The following FOSL2 variants were observed in gnomAD, a reference collection of about 807,000 sequenced individuals.
FOSL2 encodes the protein FOS like 2, AP-1 transcription factor subunit.
A neutral mutation model predicts 27.7 loss-of-function variants in FOSL2; 3 were observed. The ratio of observed to expected loss-of-function variants is 0.11; its 90% CI spans 0.05 to 0.28. FOSL2 has a LOEUF of 0.28. Ranked by LOEUF, FOSL2 falls within the 10% of genes least tolerant of loss-of-function variation. The pLI is 1.00. For missense variants in FOSL2, 333 were observed against 445.1 expected (o/e 0.75, Z 2.27); for synonymous variants, 179 against 190.1 (o/e 0.94, Z 0.48).
At chr2:28,406,832 AGGAGCCTGCCTCC>A (rs1056209513) in intron 2 of FOSL2, among the ~76,000 whole-genome samples, 1 of 152,178 alleles carries the variant, frequency 6.6e-6, no homozygotes, top group African/African-American at 2.4e-5. Context: ...CCTGCTAGGG[AGGAGCCTGCCTCC>A]GGAGCCGGCC....
intron 3 of FOSL2, among the ~76,000 whole-genome samples, chr2:28,409,816 C>T (rs1452862746): frequency 1.3e-5 from 2 of 152,242 alleles, no homozygotes; most frequent in Non-Finnish European, 2.9e-5. Context: ...TCTCAGCTCA[C>T]TGCAACCTCT....
intron 3 of FOSL2, among the ~76,000 whole-genome samples, chr2:28,411,726 C>A (rs1295614823): frequency 6.6e-6 from 1 of 152,142 alleles, no homozygotes; most frequent in Non-Finnish European, 1.5e-5. Context: ...GTCTTACCCC[C>A]TCTCCAAGCT....
chr2:28,395,592 G>C (rs904604135), intron 1 of FOSL2: 1 of 152,242 alleles, frequency 6.6e-6, no homozygotes, highest in Non-Finnish European at 1.5e-5. Flanking sequence ...AGAGAACTCA[G>C]TCCAGCAGAG....
At chr2:28,402,337 C>A (rs1213529169) in intron 1 of FOSL2, among the ~76,000 whole-genome samples, 1 of 152,268 alleles carries the variant, frequency 6.6e-6, no homozygotes, top group Non-Finnish European at 1.5e-5. Context: ...TTGGCCTGGG[C>A]CCCCGAGGTG....
At chr2:28,396,815 C>CACACACACACACACACACAA (rs1553376570) in intron 1 of FOSL2, 63 of 151,626 alleles carry the variant, frequency 4.2e-4, no homozygotes, top group African/African-American at 1.5e-3. Flanking sequence ...CACACACACA[C>CACACACACACACACACACAA]ACACACACAC....
At chr2:28,400,483 C>T (rs2148082079) in intron 1 of FOSL2, among the ~76,000 whole-genome samples, 1 of 152,228 alleles carries the variant, frequency 6.6e-6, no homozygotes, top group African/African-American at 2.4e-5. Flanking sequence ...AGACAAGACC[C>T]ATCTGCCAGA....
At chr2:28,403,753 G>A (rs1470581423) in intron 1 of FOSL2, among the ~76,000 whole-genome samples, 1 of 152,192 alleles carries the variant, frequency 6.6e-6, no homozygotes, top group African/African-American at 2.4e-5. Context: ...TCCTGCAGAT[G>A]TGTATCCTGG....
intron 3 of FOSL2, among the ~76,000 whole-genome samples, chr2:28,410,247 C>T (rs572430916): frequency 1.3e-5 from 2 of 152,320 alleles, no homozygotes; most frequent in South Asian, 4.1e-4. Context: ...CCACAATCCA[C>T]TTCCTCAGCG....
In FOSL2 at chr2:28,404,446, T is replaced by G; in HGVS notation, c.354+88T>G. ...ACGGGTTTCTGCAGACTGGGAGGGT[T>G]AATGTTCTGAGAGCAGGGGAGACAA... On this transcript the variant is annotated intron_variant, in intron 2 of 3. Transcript: ENST00000264716. This position sits in a 1 kb window ranked among gnomAD's most constrained non-coding sequence, Gnocchi z 4.7. 2.6e-4 allele frequency: 379 copies of G among 1,472,236 alleles called. No individual in the cohort carries two copies. Among genetic ancestry groups the G allele is most frequent in the Non-Finnish European group, 3.1e-4 (338 of 1,086,278 alleles). 91.2% of individuals were successfully genotyped at this position (1,472,236 alleles called of 1,614,324 possible). A position where few individuals can be genotyped will look rare whatever the true frequency, so the allele number is the denominator to read the frequency against.
chr2:28,396,805 C>CACACACACACACACACACAA (rs1558564586), intron 1 of FOSL2: 11 of 149,010 alleles, frequency 7.4e-5, no homozygotes, highest in African/African-American at 2.5e-4. Context: ...CACACACACA[C>CACACACACACACACACACAA]ACACACACAC....
At position 28,393,837 on chromosome 2, in the gene FOSL2, C is replaced by G. The variant is rs1174422175; in HGVS notation, c.102+15C>G. On this transcript the variant is annotated intron_variant, in intron 1 of 3. Transcript: ENST00000264716. This position sits in a 1 kb window ranked among gnomAD's most constrained non-coding sequence, Gnocchi z 4.6. ...GCGGCCAGCAGGTAGGTGCGGGCCC[C>G]GGTGCACCTGGCGGCGCGGGCGGAC... 3.2e-6 allele frequency: 5 copies of G among 1,567,304 alleles called. No homozygotes were observed. Among genetic ancestry groups the G allele is most frequent in the Non-Finnish European group, 4.3e-6 (5 of 1,152,712 alleles).
rs1664316758 is a variant in FOSL2, at chr2:28,416,565, G to A, written c.*4117G>A. The A allele has an allele frequency of 6.6e-6, 1 of 151,300 alleles. No homozygotes were observed. The highest frequency in any genetic ancestry group is 2.1e-4 in the South Asian group (1 of 4,802). The allele number at this position is 151,300 out of a possible 1,614,324, so 9.4% of individuals were successfully genotyped here. A position where few individuals can be genotyped will look rare whatever the true frequency, so the allele number is the denominator to read the frequency against. The stretch of plus-strand genomic sequence containing the variant: ...TGTATAAAAGGTTCTGTTTTTAAAG[G>A]TGGATTTTCATTCCTCTGGGGACAG... On this transcript the variant is annotated 3_prime_UTR_variant, in exon 4 of 4. Transcript: ENST00000264716.
At position 28,415,748 on chromosome 2, in the gene FOSL2, T is replaced by TGAGACTAAGGGATGAGGAC. The variant is rs1664300521; in HGVS notation, c.*3301_*3319dup. 1 of 152,188 alleles carries TGAGACTAAGGGATGAGGAC rather than the reference T, an allele frequency of 6.6e-6. No homozygotes were observed. Among genetic ancestry groups the TGAGACTAAGGGATGAGGAC allele is most frequent in the African/African-American group, 2.4e-5 (1 of 41,438 alleles). The allele number at this position is 152,188 out of a possible 1,614,324, so 9.4% of individuals were successfully genotyped here. A position where few individuals can be genotyped will look rare whatever the true frequency, so the allele number is the denominator to read the frequency against. ...GCTTTTATATAGATCCTCGTTAGGA[T>TGAGACTAAGGGATGAGGAC]GAGACTAAGGGATGAGGACATCTCT... On this transcript the variant is annotated 3_prime_UTR_variant, in exon 4 of 4. Transcript: ENST00000264716.
At chr2:28,406,118 C>T (rs1326878864) in intron 2 of FOSL2, among the ~76,000 whole-genome samples, 3 of 150,604 alleles carry the variant, frequency 2.0e-5, no homozygotes, top group Non-Finnish European at 3.0e-5. Flanking sequence ...TGCAGTGGCA[C>T]GATCTCGGCT....
chr2:28,398,733 A>C (rs1467967181), intron 1 of FOSL2, among the ~76,000 whole-genome samples: 1 of 152,218 alleles, frequency 6.6e-6, no homozygotes, highest in Non-Finnish European at 1.5e-5. Flanking sequence ...GCATTTATAA[A>C]CTGTAACGCT....
In FOSL2 at chr2:28,404,025, C is replaced by G. The variant is rs1012498533; in HGVS notation, c.103-82C>G. ...GACTGTGCTCTGTGCTGGTTTTTGCCTCAGCTCTGTTCAATTATTATTAAC... is the reference window on the plus strand; with the variant it reads ...GACTGTGCTCTGTGCTGGTTTTTGCGTCAGCTCTGTTCAATTATTATTAAC... On this transcript the variant is annotated intron_variant, in intron 1 of 3. Coordinates refer to ENST00000264716, the MANE Select transcript of FOSL2 (RefSeq NM_005253.4). The surrounding 1 kb of genome is among the most constrained non-coding windows in gnomAD (Gnocchi z 4.7). 3 of 1,539,838 alleles carry G rather than the reference C, an allele frequency of 1.9e-6. No homozygotes were observed. Among genetic ancestry groups the G allele is most frequent in the Non-Finnish European group, 2.7e-6 (3 of 1,129,148 alleles).
chr2:28,393,187 C>T lies in FOSL2; in HGVS notation c.-534C>T, dbSNP rs1243516388. 1 of 255,002 alleles carries T rather than the reference C, an allele frequency of 3.9e-6. No homozygotes were observed. Among genetic ancestry groups the T allele is most frequent in the Non-Finnish European group, 7.4e-6 (1 of 135,976 alleles). 15.8% of individuals were successfully genotyped at this position (255,002 alleles called of 1,614,324 possible). ...CCGAGCCGCCCCGAAACTCGGGCGG[C>T]GAGTCGGCCACGGGAAGTTTATTCT... is the stretch of plus-strand genomic sequence containing the variant. On this transcript the variant is annotated 5_prime_UTR_variant, in exon 1 of 4. Coordinates refer to ENST00000264716, the MANE Select transcript of FOSL2 (RefSeq NM_005253.4). This position sits in a 1 kb window ranked among gnomAD's most constrained non-coding sequence, Gnocchi z 4.6.
At chr2:28,396,646 A>C (rs968037441) in intron 1 of FOSL2, among the ~76,000 whole-genome samples, 1 of 152,146 alleles carries the variant, frequency 6.6e-6, no homozygotes. Flanking sequence ...TGAAAAAACA[A>C]AACAAAAACA....
rs759126582 is a variant in FOSL2 at position 28,412,092 on chromosome 2, A to G, written c.625A>G (p.Met209Val). The part of the protein sequence containing the change: ...RSPPAPGLQP[M>V]RSGGGSVGAV... ...GCCCCCAGCCCCTGGGCTGCAGCCC[A>G]TGCGCAGTGGGGGTGGCTCGGTGGG... Residue 209 changes from methionine to valine, a missense_variant, in exon 4 of 4, where the codon ATG (methionine) becomes GTG (valine). Around this residue, in one of 4 missense-constraint regions of FOSL2, gnomAD observed 136 missense variants for 123.7 expected, o/e 1.10. Coordinates refer to ENST00000264716, the MANE Select transcript of FOSL2 (RefSeq NM_005253.4). This position sits in a 1 kb window ranked among gnomAD's most constrained non-coding sequence, Gnocchi z 7.1. 3.1e-5 allele frequency: 50 copies of G among 1,605,070 alleles called. No individual in the cohort carries two copies. In the Admixed American group the frequency reaches 3.5e-4, roughly 11 times the overall value.
Sources: allele counts gnomAD v4.1 joint callset (sites outside exome capture counted in the v4.1 genomes callset), GRCh38; gene constraint gnomAD v4.1.1; regional missense constraint gnomAD v4.1.1; non-coding constraint Gnocchi (gnomAD v3.1); transcripts MANE v1.5; gene names NCBI Gene and HGNC (gene_info 2026-07-23, HGNC 2026-07-21).